Variants in VIPR2 observed in about 807,000 individuals in gnomAD.
The protein encoded by VIPR2 is vasoactive intestinal peptide receptor 2.
Under a neutral mutation model 58.0 loss-of-function variants are expected in VIPR2, and 48 were observed. The ratio of observed to expected loss-of-function variants is 0.83; its 90% confidence interval spans 0.66 to 1.05. VIPR2 has a LOEUF of 1.05. Ranked by LOEUF, VIPR2 falls within the 50% of genes least tolerant of loss-of-function variation. The pLI, the probability that VIPR2 is intolerant of heterozygous loss-of-function variation, is 0.00. For missense variants in VIPR2, 534 were observed against 558.0 expected, an observed-to-expected ratio of 0.96 and a Z score of 0.43; for synonymous variants, 243 against 235.2, an observed-to-expected ratio of 1.03 and a Z score of -0.30.
At chr7:159,049,348 G>A (rs1450585876) in intron 5 of VIPR2, among the ~76,000 whole-genome samples, 2 of 152,206 alleles carry the variant, frequency 1.3e-5, no homozygotes, top group Non-Finnish European at 2.9e-5. Context: ...GCAGCCCAAG[G>A]GCTTTGGGGA....
intron 5 of VIPR2, among the ~76,000 whole-genome samples, chr7:159,045,527 G>C (rs1563268669): frequency 1.3e-5 from 2 of 152,192 alleles, no homozygotes; most frequent in Non-Finnish European, 2.9e-5. Flanking sequence ...ATGTCCATAT[G>C]TAAAATAATA....
intron 2 of VIPR2, among the ~76,000 whole-genome samples, chr7:159,137,385 AAT>A (rs943187485): frequency 3.2e-4 from 49 of 152,312 alleles, no homozygotes; most frequent in African/African-American, 1.1e-3. Flanking sequence ...TTTAAAAAAA[AAT>A]AGAGACAGCT....
rs148703849 is a variant in VIPR2 at position 159,117,094 on chromosome 7, C to T, written c.152-7175G>A. On this transcript the variant is annotated intron_variant, in intron 2 of 12. Transcript: ENST00000262178. ...CCCTGAAGAAGGCGAGAGCCCCTGT[C>T]CTCACACTGGGGAGGAGACCAGGTT... 864 of 541,798 alleles carry T rather than the reference C, an allele frequency of 1.6e-3. 4 individuals carry two copies. Among genetic ancestry groups the T allele is most frequent in the Middle Eastern group, 7.6e-3 (16 of 2,108 alleles). 33.6% of individuals were successfully genotyped at this position (541,798 alleles called of 1,614,324 possible).
In VIPR2 at chr7:159,103,777, C is replaced by T. The variant is rs149519347; in HGVS notation, c.337G>A (p.Asp113Asn). ...PDFVDACGYSDPEDESKITFY... is the reference protein window; with the variant it reads ...PDFVDACGYSNPEDESKITFY... ...CCTACCTTGCTCTCATCCTCCGGGT[C>T]GCTGTAGCCACAGGCATCGACGAAA... The change falls in exon 4 of 13, where the codon GAC (aspartate) becomes AAC (asparagine). Residue 113 changes from aspartate (D) to asparagine (N), a missense_variant. Asp to Asn is a conservative substitution (Grantham distance 23). Transcript: ENST00000262178. 2.1e-5 allele frequency: 34 copies of T among 1,614,126 alleles called. No homozygotes were observed. The highest frequency in any genetic ancestry group is 1.9e-4 in the African/African-American group (14 of 75,032).
rs1360214895 is a variant in VIPR2 at position 159,144,829 on chromosome 7, G to A, written c.-58C>T. ...CCCGCCGCCTCCGTCCTAGGTCCCC[G>A]CGGTTCCGCCGCCTCCAGCATGGGC... On this transcript the variant is annotated 5_prime_UTR_variant, in exon 1 of 13. Transcript: ENST00000262178. 2.4e-6 allele frequency: 3 copies of A among 1,227,404 alleles called. No individual in the cohort carries two copies. Among genetic ancestry groups the A allele is most frequent in the African/African-American group, 3.1e-5 (2 of 64,032 alleles). The allele number at this position is 1,227,404 out of a possible 1,614,324, so 76.0% of individuals were successfully genotyped here. A position where few individuals can be genotyped will look rare whatever the true frequency, so the allele number is the denominator to read the frequency against.
chr7:159,043,250 G>A, intron 5 of VIPR2, 74 bp from the exon 6 acceptor site: 1 of 1,347,270 alleles, frequency 7.4e-7, no homozygotes, highest in Non-Finnish European at 1.0e-6. Flanking sequence ...AGACAGAGAT[G>A]AGAAACTCAT....
chr7:159,062,545 C>T (rs558385900), intron 4 of VIPR2, among the ~76,000 whole-genome samples: 64 of 152,044 alleles, frequency 4.2e-4, no homozygotes, highest in Admixed American at 7.2e-4. Flanking sequence ...TCATTCCTCC[C>T]GCCCAGAGTT....
chr7:159,058,038 A>G lies in VIPR2; in HGVS notation c.455+443T>C, dbSNP rs182448467. 2.6e-4 allele frequency among the ~76,000 whole-genome samples: 39 copies of G among 152,316 alleles called. 1 individual carries two copies. The East Asian group carries it at 5.0e-3, about 20-fold the overall frequency. ...TTACAGAAGCACAGACAAGTTAAGT[A>G]CTTTGTCCAAGGTCACACAGCTGCT... On this transcript the variant is annotated intron_variant, in intron 5 of 12. Transcript: ENST00000262178.
chr7:159,136,055 T>C (rs1797209495), intron 2 of VIPR2, among the ~76,000 whole-genome samples: 1 of 152,160 alleles, frequency 6.6e-6, no homozygotes, highest in Non-Finnish European at 1.5e-5. Context: ...TCTGCTCATG[T>C]GTCTAAGTTT....
intron 4 of VIPR2, among the ~76,000 whole-genome samples, chr7:159,100,681 G>A (rs900981775): frequency 3.9e-5 from 6 of 152,240 alleles, no homozygotes; most frequent in African/African-American, 1.2e-4. Flanking sequence ...AATCATGCAG[G>A]CCGTTCCCCT....
In VIPR2 at chr7:159,036,759, G is replaced by T. The variant is rs765681011; in HGVS notation, c.741C>A (p.Ile247=). Residue 247 remains isoleucine, a synonymous_variant, in exon 7 of 13, where the codon ATC becomes ATA. Coordinates refer to ENST00000262178, the MANE Select transcript of VIPR2 (RefSeq NM_003382.5). ...GGGAAGGGGCACACTTACCCCATCC[G>T]ATCAGGAGGTAGGCCAGGAAGCACC... ...PRRCFLAYLL[I]GWGLPTVCIG... The T allele has an allele frequency of 6.2e-7, 1 of 1,612,862 alleles. No homozygotes were observed. Among genetic ancestry groups the T allele is most frequent in the Admixed American group, 1.7e-5 (1 of 59,894 alleles).
chr7:159,058,416 A>G (rs1404296438), intron 5 of VIPR2, 65 bp downstream of exon 5: 1 of 1,434,558 alleles, frequency 7.0e-7, no homozygotes, highest in South Asian at 1.1e-5. Flanking sequence ...TGGCGCCTAG[A>G]AGGCCTAAAT....
At chr7:159,039,405 G>C (rs541563042) in intron 6 of VIPR2, among the ~76,000 whole-genome samples, 5 of 152,200 alleles carry the variant, frequency 3.3e-5, no homozygotes, top group Non-Finnish European at 5.9e-5. Context: ...CTGAACCTGG[G>C]AGGTGGAGGT....
rs1163984238 is a variant in VIPR2, at chr7:159,097,842, T to C, written c.357+5915A>G. On this transcript the variant is annotated intron_variant, in intron 4 of 12. Transcript: ENST00000262178. This position sits in a 1 kb window ranked among gnomAD's most constrained non-coding sequence, Gnocchi z 5.3. Reference sequence around the variant, plus strand: ...TTGTGCAAAGTCACTCAGCCATCGGTGAGTGACAGCTGGGTGGGTTCTCAG... The same window carrying C: ...TTGTGCAAAGTCACTCAGCCATCGGCGAGTGACAGCTGGGTGGGTTCTCAG... Among the ~76,000 whole-genome samples the C allele has an allele frequency of 6.6e-6, 1 of 152,080 alleles. No homozygotes were observed. The highest frequency in any genetic ancestry group is 1.5e-5 in the Non-Finnish European group (1 of 68,004).
chr7:159,097,158 G>A lies in VIPR2; in HGVS notation c.357+6599C>T. ...CACAAAGGCATCTGCAGTGCCAGCTGCTGTGATCTTTGTCACCAGGGATGG... is the reference window on the plus strand; with the variant it reads ...CACAAAGGCATCTGCAGTGCCAGCTACTGTGATCTTTGTCACCAGGGATGG... On this transcript the variant is annotated intron_variant, in intron 4 of 12. Transcript: ENST00000262178. This position sits in a 1 kb window ranked among gnomAD's most constrained non-coding sequence, Gnocchi z 5.3. 6.9e-7 allele frequency: 1 copy of A among 1,448,878 alleles called. No individual in the cohort carries two copies. The allele number at this position is 1,448,878 out of a possible 1,614,324, so 89.8% of individuals were successfully genotyped here.
Position 159,032,028 on chromosome 7 carries a change from G to A in VIPR2, c.1011C>T (p.Phe337=), listed in dbSNP as rs1252326339. Residue 337 remains phenylalanine (F), a synonymous_variant, in exon 11 of 13, where the codon TTC becomes TTT. Coordinates refer to ENST00000262178, the MANE Select transcript of VIPR2 (RefSeq NM_003382.5). ...AKSTLLLIPL[F]GVHYMVFAVF... Reference sequence around the variant, plus strand: ...CGGCAAACACCATGTAGTGGACGCCGAACAGCGGGATAAGCAGGAGCGTGG... The same window carrying A: ...CGGCAAACACCATGTAGTGGACGCCAAACAGCGGGATAAGCAGGAGCGTGG... 1.2e-6 allele frequency: 2 copies of A among 1,614,104 alleles called. No homozygotes were observed. Among genetic ancestry groups the A allele is most frequent in the Non-Finnish European group, 1.7e-6 (2 of 1,180,034 alleles).
intron 4 of VIPR2, 147 bp from the exon 5 acceptor site, chr7:159,058,725 A>G: frequency 1.6e-6 from 1 of 617,472 alleles, no homozygotes; most frequent in South Asian, 2.3e-5. Context: ...TTATAATTCC[A>G]CCTCCATTTT....
intron 4 of VIPR2, among the ~76,000 whole-genome samples, chr7:159,073,293 A>C (rs1856494076): frequency 6.6e-6 from 1 of 152,218 alleles, no homozygotes. Flanking sequence ...AAATACACAC[A>C]CCTCAATCAA....
chr7:159,041,078 C>T lies in VIPR2; in HGVS notation c.597+1957G>A, dbSNP rs181869463. ...TGCACCTGGGCTTTGGATCCCGAGA[C>T]TCCGGGCCAGTTGCTGGGTTCCCCT... On this transcript the variant is annotated intron_variant, in intron 6 of 12. Coordinates refer to ENST00000262178, the MANE Select transcript of VIPR2 (RefSeq NM_003382.5). Among the ~76,000 whole-genome samples, 29 of 152,344 alleles carry T rather than the reference C, an allele frequency of 1.9e-4. 1 individual carries two copies. In the East Asian group the frequency reaches 5.4e-3, roughly 28 times the overall value.
Sources: gnomAD v4.1 joint callset for allele counts (sites outside exome capture counted in the v4.1 genomes callset) on GRCh38, gnomAD v4.1.1 for gene constraint, Gnocchi (gnomAD v3.1) non-coding constraint, MANE v1.5 for transcripts, NCBI Gene and HGNC (gene_info 2026-07-23, HGNC 2026-07-21) for gene names.